Variants in NAV2 observed in about 807,000 individuals in gnomAD.
The protein encoded by NAV2 is helicase, APC down-regulated 1.
NAV2 carries 54 observed loss-of-function variants against 223.2 expected under a neutral mutation model. The ratio of observed to expected loss-of-function variants is 0.24; its 90% CI spans 0.19 to 0.30. The LOEUF is 0.30. Ranked by LOEUF, NAV2 falls within the 10% of genes least tolerant of loss-of-function variation. The pLI is 1.00. For missense variants in NAV2, 2,806 were observed against 3,147.5 expected (o/e 0.89, Z 2.60); for synonymous variants, 1,279 against 1,239.3 (o/e 1.03, Z -0.67).
At chr11:19,588,626 A>T (rs1473126984) in intron 1 of NAV2, among the ~76,000 whole-genome samples, 1 of 152,220 alleles carries the variant, frequency 6.6e-6, no homozygotes, top group Non-Finnish European at 1.5e-5. Context: ...ACCATTGGAG[A>T]CATAGGTTGG....
rs374923174 is a variant in NAV2 at position 19,359,197 on chromosome 11, T to A, written c.75+8170T>A. 2.9e-3 allele frequency among the ~76,000 whole-genome samples: 442 copies of A among 152,332 alleles called. 3 individuals are homozygous for A. Among genetic ancestry groups the A allele is most frequent in the African/African-American group, 8.7e-3 (360 of 41,580 alleles). On this transcript the variant is annotated intron_variant, in intron 1 of 37. Transcript: ENST00000360655. ...GGAGAAGATTTTAATTGTCTTTGAT[T>A]TGGGATGGGAGAAATAGTGTCTGGT... is the stretch of plus-strand genomic sequence containing the variant.
At chr11:20,066,224 C>T (rs958448930) in intron 20 of NAV2, among the ~76,000 whole-genome samples, 1 of 152,172 alleles carries the variant, frequency 6.6e-6, no homozygotes, top group Non-Finnish European at 1.5e-5. Flanking sequence ...GTTCACGGCT[C>T]TATCTTAGGT....
chr11:19,728,738 A>G (rs1590202774), intron 1 of NAV2, among the ~76,000 whole-genome samples: 1 of 152,204 alleles, frequency 6.6e-6, no homozygotes, highest in African/African-American at 2.4e-5. Context: ...GGGTGTGAGT[A>G]TGTCTGTGTG....
In NAV2 at chr11:19,944,180, G is replaced by A. The variant is rs570949236; in HGVS notation, c.2147-2221G>A. On this transcript the variant is annotated intron_variant, in intron 8 of 37. Coordinates refer to ENST00000349880, the MANE Select transcript of NAV2 (RefSeq NM_145117.5). ...CGTGCCACTGCACTCCAGCCTGGGC[G>A]ACAGAGCAAGACTCTGTCTCAAAAA... 5.3e-5 allele frequency among the ~76,000 whole-genome samples: 8 copies of A among 152,238 alleles called. No individual in the cohort carries two copies. The South Asian group carries it at 1.2e-3, about 24-fold the overall frequency.
chr11:20,063,932 A>G (rs1754085969), intron 20 of NAV2, among the ~76,000 whole-genome samples: 1 of 152,208 alleles, frequency 6.6e-6, no homozygotes, highest in African/African-American at 2.4e-5. Flanking sequence ...TTGAGCAAAC[A>G]AACTTCAGTG....
intron 1 of NAV2, among the ~76,000 whole-genome samples, chr11:19,466,984 T>TATACACACAC (rs1554940926): frequency 1.6e-5 from 2 of 125,142 alleles, no homozygotes; most frequent in African/African-American, 6.1e-5. Context: ...TCTCTCTCTC[T>TATACACACAC]ACACACACAC....
At chr11:19,833,385 G>A (rs1311043053) in intron 2 of NAV2, among the ~76,000 whole-genome samples, 1 of 152,224 alleles carries the variant, frequency 6.6e-6, no homozygotes, top group Non-Finnish European at 1.5e-5. Flanking sequence ...AGTGTGAGAA[G>A]TAGTCTTTCA....
chr11:19,397,590 G>C (rs1849513065), intron 1 of NAV2, among the ~76,000 whole-genome samples: 1 of 152,056 alleles, frequency 6.6e-6, no homozygotes, highest in Admixed American at 6.5e-5. Context: ...TATTATTTTT[G>C]CATGTATATT....
intron 22 of NAV2, among the ~76,000 whole-genome samples, chr11:20,072,719 T>C (rs2059480416): frequency 6.6e-6 from 1 of 152,230 alleles, no homozygotes; most frequent in Non-Finnish European, 1.5e-5. Flanking sequence ...AGTTCACTCA[T>C]GATTTGGTTC....
intron 3 of NAV2, among the ~76,000 whole-genome samples, chr11:19,853,309 T>A (rs1037742389): frequency 2.0e-5 from 3 of 152,236 alleles, no homozygotes; most frequent in African/African-American, 7.2e-5. Flanking sequence ...AAACATGCAT[T>A]TAAATATATA....
In NAV2 at chr11:19,713,875, G is replaced by T. The variant is rs1425595409; in HGVS notation, c.180G>T (p.Ser60=). Residue 60 remains serine, a synonymous_variant, in exon 1 of 38, where the codon TCG becomes TCT. Coordinates refer to ENST00000349880, the MANE Select transcript of NAV2 (RefSeq NM_145117.5). The surrounding 1 kb of genome is among the most constrained non-coding windows in gnomAD (Gnocchi z 7.2). ...TTYPSQIPLK[S]QVLQGLQEPA... ...ATCCTAGCCAGATCCCCCTGAAATCGCAGGTGCTGCAGGGGCTGCAGGAGC... is the reference window on the plus strand; with the variant it reads ...ATCCTAGCCAGATCCCCCTGAAATCTCAGGTGCTGCAGGGGCTGCAGGAGC... 1.2e-6 allele frequency: 2 copies of T among 1,613,540 alleles called. No homozygotes were observed. The highest frequency in any genetic ancestry group is 1.7e-6 in the Non-Finnish European group (2 of 1,179,952).
At chr11:19,700,504 C>T (rs1565178321) in intron 1 of NAV2, among the ~76,000 whole-genome samples, 1 of 152,154 alleles carries the variant, frequency 6.6e-6, no homozygotes, top group Admixed American at 6.5e-5. Context: ...ACCAATTAAG[C>T]GCAAACATCT....
intron 20 of NAV2, among the ~76,000 whole-genome samples, chr11:20,065,305 G>A (rs1159694870): frequency 6.6e-6 from 1 of 152,194 alleles, no homozygotes; most frequent in Non-Finnish European, 1.5e-5. Context: ...AGCCTGCTGA[G>A]AGTTTTAAAG....
intron 1 of NAV2, among the ~76,000 whole-genome samples, chr11:19,521,646 CT>C (rs1294295796): frequency 6.6e-6 from 1 of 152,148 alleles, no homozygotes; most frequent in African/African-American, 2.4e-5. Flanking sequence ...ATAATTATAT[CT>C]GATATCAGTG....
intron 1 of NAV2, among the ~76,000 whole-genome samples, chr11:19,449,378 C>G (rs1255834015): frequency 6.7e-6 from 1 of 148,434 alleles, no homozygotes; most frequent in African/African-American, 2.5e-5. Context: ...GCCTGAGCGA[C>G]AGAGCGAGAC....
chr11:19,977,938 G>T (rs1242401108), intron 10 of NAV2, among the ~76,000 whole-genome samples: 1 of 151,052 alleles, frequency 6.6e-6, no homozygotes, highest in Non-Finnish European at 1.5e-5. Flanking sequence ...CCGAGTAGCT[G>T]GGATTACAGG....
intron 1 of NAV2, among the ~76,000 whole-genome samples, chr11:19,789,486 C>T (rs2057375035): frequency 6.6e-6 from 1 of 152,044 alleles, no homozygotes; most frequent in South Asian, 2.1e-4. Context: ...TAGAAGTAAC[C>T]GGAATGCATA....
chr11:19,548,039 G>A (rs1259690480), intron 1 of NAV2, among the ~76,000 whole-genome samples: 2 of 152,200 alleles, frequency 1.3e-5, no homozygotes, highest in African/African-American at 4.8e-5. Flanking sequence ...GTGAGTAACA[G>A]GGTTGAATTC....
At chr11:19,916,370 G>A (rs1038637634) in intron 6 of NAV2, among the ~76,000 whole-genome samples, 2 of 152,088 alleles carry the variant, frequency 1.3e-5, no homozygotes, top group South Asian at 4.1e-4. Flanking sequence ...AAGAGAAATA[G>A]AATAACATGC....
Sources: allele counts gnomAD v4.1 joint callset (sites outside exome capture counted in the v4.1 genomes callset), GRCh38; gene constraint gnomAD v4.1.1; non-coding constraint Gnocchi (gnomAD v3.1); transcripts MANE v1.5; gene names NCBI Gene and HGNC (gene_info 2026-07-23, HGNC 2026-07-21).